The following RGS9 variants were observed in gnomAD, a reference collection of about 807,000 sequenced individuals.
The protein encoded by RGS9 is regulator of G-protein signalling 9.
A neutral mutation model predicts 102.0 loss-of-function variants in RGS9; 78 were observed. The ratio of observed to expected loss-of-function variants is 0.76; its 90% CI spans 0.64 to 0.92. The LOEUF (loss-of-function observed/expected upper bound fraction) is 0.92. Among genes scored for constraint, RGS9 ranks in the 40% least tolerant of loss-of-function variants. The pLI is 0.00. For missense variants in RGS9, 833 were observed against 866.1 expected, an observed-to-expected ratio of 0.96 and a Z score of 0.48; for synonymous variants, 353 against 318.6, an observed-to-expected ratio of 1.11 and a Z score of -1.15.
intron 18 of RGS9, among the ~76,000 whole-genome samples, chr17:65,226,771 C>T (rs757050391): frequency 3.9e-5 from 6 of 152,116 alleles, no homozygotes; most frequent in Non-Finnish European, 8.8e-5. Flanking sequence ...TGCCACCACG[C>T]CCGGCTAATT....
chr17:65,159,567 G>T (rs1039919233), intron 3 of RGS9, among the ~76,000 whole-genome samples: 2 of 152,126 alleles, frequency 1.3e-5, no homozygotes, highest in African/African-American at 4.8e-5. Context: ...GGGCTGGGGG[G>T]TCCTGCAGGA....
chr17:65,164,394 T>C (rs1010013207), intron 7 of RGS9, among the ~76,000 whole-genome samples: 1 of 152,164 alleles, frequency 6.6e-6, no homozygotes, highest in Non-Finnish European at 1.5e-5. Flanking sequence ...GGTGGGGACA[T>C]AGAATCCTAC....
At chr17:65,153,940 A>G (rs998472579) in intron 2 of RGS9, among the ~76,000 whole-genome samples, 6 of 152,100 alleles carry the variant, frequency 3.9e-5, no homozygotes, top group Non-Finnish European at 2.9e-5. Flanking sequence ...ATAAAGTTTT[A>G]TTGGAACATA....
At chr17:65,179,635 C>CTGTGTGTGTGTGTGTGTGTG (rs56275900) in intron 9 of RGS9, among the ~76,000 whole-genome samples, 3 of 125,086 alleles carry the variant, frequency 2.4e-5, no homozygotes, top group African/African-American at 6.5e-5. Context: ...TACTGCTCAG[C>CTGTGTGTGTGTGTGTGTGTG]TGTGTGTGTG....
At chr17:65,172,643 G>A (rs543996052) in intron 8 of RGS9, among the ~76,000 whole-genome samples, 20 of 152,304 alleles carry the variant, frequency 1.3e-4, no homozygotes, top group African/African-American at 4.8e-4. Flanking sequence ...TGGATTATGA[G>A]CCAAGACAGA....
chr17:65,156,629 C>T (rs1024640445), intron 2 of RGS9, among the ~76,000 whole-genome samples: 2 of 152,318 alleles, frequency 1.3e-5, no homozygotes, highest in Non-Finnish European at 2.9e-5. Context: ...ACGTAGACCG[C>T]GTGGTACAGA....
chr17:65,192,792 A>G (rs1021494246), intron 11 of RGS9, among the ~76,000 whole-genome samples: 2 of 152,108 alleles, frequency 1.3e-5, no homozygotes, highest in Non-Finnish European at 2.9e-5. Flanking sequence ...AATGGGCCTA[A>G]GTTTCCAAAC....
chr17:65,197,470 C>T (rs927671176), intron 13 of RGS9, among the ~76,000 whole-genome samples: 3 of 152,100 alleles, frequency 2.0e-5, no homozygotes, highest in African/African-American at 7.2e-5. Flanking sequence ...TGCACCTGCT[C>T]ACAGAATCTA....
chr17:65,191,752 G>GA (rs1460414594), intron 11 of RGS9, among the ~76,000 whole-genome samples: 20 of 150,306 alleles, frequency 1.3e-4, no homozygotes, highest in Non-Finnish European at 1.3e-4. Context: ...GTCTCAAAAA[G>GA]AAAAAAATAA....
Position 65,204,213 on chromosome 17 carries a change from C to T in RGS9, c.1115C>T (p.Thr372Ile), listed in dbSNP as rs775346781. The T allele has an allele frequency of 1.9e-6, 3 of 1,613,302 alleles. No homozygotes were observed. The highest frequency in any genetic ancestry group is 2.5e-6 in the Non-Finnish European group (3 of 1,180,028). ...CGCTGGATCAACATAGATGGCAAAA[C>T]CATGGACATCACAGTGAAGGGGCTG... Reference protein sequence around the residue: ...ARRWINIDGKTMDITVKGLKH... With the variant: ...ARRWINIDGKIMDITVKGLKH... Residue 372 changes from threonine (T) to isoleucine (I), a missense_variant, in exon 15 of 19, where the codon ACC becomes ATC. Transcript: ENST00000262406.
rs759698475 is a variant in RGS9 at position 65,160,269 on chromosome 17, G to A, written c.242G>A (p.Gly81Asp). 3 of 1,614,170 alleles carry A rather than the reference G, an allele frequency of 1.9e-6. No individual in the cohort carries two copies. Among genetic ancestry groups the A allele is most frequent in the South Asian group, 2.2e-5 (2 of 91,084 alleles). The change falls in exon 4 of 19, where the codon GGC becomes GAC. Residue 81 changes from glycine (G) to aspartate (D), a missense_variant. Transcript: ENST00000262406. ...QNLGNFIVRY[G>D]YIYPLQDPKN... The stretch of plus-strand genomic sequence containing the variant: ...TTGGGCAACTTTATTGTCAGGTATG[G>A]CTACATTTACCCCCTGCAAGACCCC...
At chr17:65,216,709 T>G (rs1160085505) in intron 17 of RGS9, among the ~76,000 whole-genome samples, 1 of 152,182 alleles carries the variant, frequency 6.6e-6, no homozygotes, top group African/African-American at 2.4e-5. Context: ...GTTGAAAATG[T>G]GCTTCTGGTG....
intron 17 of RGS9, among the ~76,000 whole-genome samples, chr17:65,224,515 G>A (rs1379367624): frequency 2.0e-5 from 3 of 152,236 alleles, no homozygotes; most frequent in South Asian, 4.1e-4. Context: ...CAGGCCCGGA[G>A]CAGTCAGGAA....
chr17:65,213,450 T>A (rs1913378246), intron 17 of RGS9, among the ~76,000 whole-genome samples: 1 of 152,084 alleles, frequency 6.6e-6, no homozygotes, highest in Non-Finnish European at 1.5e-5. Flanking sequence ...ATATTTGCTG[T>A]CCCTTTTGGT....
At chr17:65,224,880 G>C (rs1487924823) in intron 17 of RGS9, 122 bp from the exon 18 acceptor site, 1 of 1,337,320 alleles carries the variant, frequency 7.5e-7, no homozygotes, top group Non-Finnish European at 1.1e-6. Flanking sequence ...CTAGGAGGCA[G>C]CCATATCAGG....
chr17:65,193,106 C>CAAAAAAA (rs372675773), intron 11 of RGS9, among the ~76,000 whole-genome samples: 102 of 131,200 alleles, frequency 7.8e-4, no homozygotes, highest in Middle Eastern at 3.8e-3. Context: ...ACCAAAAATA[C>CAAAAAAA]AAAAAAAAAA....
At chr17:65,207,574 G>A (rs1175177240) in intron 15 of RGS9, among the ~76,000 whole-genome samples, 2 of 152,160 alleles carry the variant, frequency 1.3e-5, no homozygotes, top group Non-Finnish European at 2.9e-5. Flanking sequence ...TATGCAACTG[G>A]CTACATTTAC....
At chr17:65,169,350 G>C (rs1356738276) in intron 8 of RGS9, among the ~76,000 whole-genome samples, 7 of 152,196 alleles carry the variant, frequency 4.6e-5, no homozygotes, top group African/African-American at 7.2e-5. Flanking sequence ...CTCCTCTAGG[G>C]AAACCAGTTT....
At chr17:65,188,960 C>A (rs1247870627) in intron 9 of RGS9, 2 of 369,118 alleles carry the variant, frequency 5.4e-6, no homozygotes, top group South Asian at 6.2e-5. Flanking sequence ...GAATCTGTAT[C>A]TCTCACTCTA....
Sources: gnomAD v4.1 joint callset for allele counts (sites outside exome capture counted in the v4.1 genomes callset) on GRCh38, gnomAD v4.1.1 for gene constraint, MANE v1.5 for transcripts, NCBI Gene and HGNC (gene_info 2026-07-23, HGNC 2026-07-21) for gene names.